Variants in SLC22A3 observed in about 807,000 individuals in gnomAD.
SLC22A3 encodes the protein EMT organic cation transporter 3.
A neutral mutation model predicts 59.1 loss-of-function variants in SLC22A3; 51 were observed. The observed-to-expected ratio is 0.86, with a 90% CI of 0.69 to 1.09. The LOEUF (loss-of-function observed/expected upper bound fraction) is 1.09, where lower values mean the gene tolerates loss of function less well. SLC22A3 is among the 50% of genes least tolerant of loss of function. The pLI, the probability that SLC22A3 is intolerant of heterozygous loss-of-function variation, is 0.00. For missense variants in SLC22A3, 711 were observed against 726.3 expected, an observed-to-expected ratio of 0.98 and a Z score of 0.24; for synonymous variants, 325 against 292.0, an observed-to-expected ratio of 1.11 and a Z score of -1.15.
intron 1 of SLC22A3, among the ~76,000 whole-genome samples, chr6:160,360,014 A>G (rs1212952117): frequency 6.6e-6 from 1 of 152,210 alleles, no homozygotes; most frequent in Non-Finnish European, 1.5e-5. Flanking sequence ...CTTTTCAAAT[A>G]TTTATAATCA....
intron 2 of SLC22A3, among the ~76,000 whole-genome samples, chr6:160,406,631 C>T (rs1195174319): frequency 6.6e-6 from 1 of 152,142 alleles, no homozygotes. Context: ...AGGAATTAGC[C>T]CAAGGTCTTA....
intron 5 of SLC22A3, among the ~76,000 whole-genome samples, 154 bp downstream of exon 5, chr6:160,411,000 A>G (rs1787227505): frequency 6.6e-6 from 1 of 152,054 alleles, no homozygotes; most frequent in African/African-American, 2.4e-5. Context: ...ACACACACAC[A>G]CACACTACCA....
intron 5 of SLC22A3, among the ~76,000 whole-genome samples, chr6:160,419,155 A>C (rs1231746378): frequency 6.6e-6 from 1 of 152,198 alleles, no homozygotes; most frequent in African/African-American, 2.4e-5. Context: ...CTCATTAGAA[A>C]GTGTCTTACT....
Position 160,368,466 on chromosome 6 carries a change from C to T in SLC22A3, c.429+19618C>T, listed in dbSNP as rs1419247156. ...CTTTGCTTGTCCACCCTTAAACCTG[C>T]TTAAGTTCACCTGTCCACGCTTAAA... On this transcript the variant is annotated intron_variant, in intron 1 of 10. Transcript: ENST00000275300. Among the ~76,000 whole-genome samples, 3 of 152,136 alleles carry T rather than the reference C, an allele frequency of 2.0e-5. No individual in the cohort carries two copies. The East Asian group carries it at 5.8e-4, about 29-fold the overall frequency.
intron 7 of SLC22A3, among the ~76,000 whole-genome samples, chr6:160,437,778 C>T (rs1330622997): frequency 1.3e-5 from 2 of 152,178 alleles, no homozygotes; most frequent in Non-Finnish European, 2.9e-5. Flanking sequence ...AGAAAAGCTT[C>T]CCAGCAGTGG....
chr6:160,374,390 G>A (rs1365687092), intron 1 of SLC22A3, among the ~76,000 whole-genome samples: 1 of 152,154 alleles, frequency 6.6e-6, no homozygotes, highest in African/African-American at 2.4e-5. Context: ...TGGAAATGCA[G>A]AAATCACCCA....
In SLC22A3 at chr6:160,395,905, T is replaced by G. The variant is rs530289586; in HGVS notation, c.430-2074T>G. ...TTATGAGACTCCTCAAAATTCATAT[T>G]CCAACCACATTAATTTTCTCTTCAT... is the stretch of plus-strand genomic sequence containing the variant. On this transcript the variant is annotated intron_variant, in intron 1 of 10. Coordinates refer to ENST00000275300, the MANE Select transcript of SLC22A3 (RefSeq NM_021977.4). 1.1e-3 allele frequency among the ~76,000 whole-genome samples: 171 copies of G among 152,340 alleles called. 2 individuals are homozygous for G. The highest frequency in any genetic ancestry group is 3.8e-3 in the African/African-American group (157 of 41,578).
chr6:160,395,504 G>A (rs1019575307), intron 1 of SLC22A3, among the ~76,000 whole-genome samples: 3 of 152,118 alleles, frequency 2.0e-5, no homozygotes, highest in East Asian at 1.9e-4. Context: ...GTTTGATTTC[G>A]CTGTTTGCTT....
chr6:160,405,904 G>C (rs375508146), intron 2 of SLC22A3, among the ~76,000 whole-genome samples: 19 of 152,256 alleles, frequency 1.2e-4, no homozygotes, highest in Middle Eastern at 3.4e-3. Context: ...AAGGATCAGT[G>C]GTTGCTAGAG....
chr6:160,444,417 C>T (rs1453760138), intron 9 of SLC22A3, among the ~76,000 whole-genome samples: 1 of 152,102 alleles, frequency 6.6e-6, no homozygotes, highest in Admixed American at 6.5e-5. Flanking sequence ...TTCTGGTGTT[C>T]TCTCTCTATG....
chr6:160,409,015 C>CTTTTTTTTTTTTTTTT (rs201294592), intron 4 of SLC22A3, 94 bp downstream of exon 4: 1 of 560,642 alleles, frequency 1.8e-6, no homozygotes, highest in Non-Finnish European at 2.8e-6. Flanking sequence ...AGAAAATTTT[C>CTTTTTTTTTTTTTTTT]TTTTTTTTTT....
At chr6:160,446,345 C>T (rs995884965) in intron 9 of SLC22A3, among the ~76,000 whole-genome samples, 16 of 152,124 alleles carry the variant, frequency 1.1e-4, no homozygotes, top group African/African-American at 3.1e-4. Context: ...CATATTAGTT[C>T]GTTTGCCACT....
intron 1 of SLC22A3, among the ~76,000 whole-genome samples, chr6:160,384,164 G>C (rs2114801332): frequency 6.6e-6 from 1 of 152,224 alleles, no homozygotes; most frequent in South Asian, 2.1e-4. Flanking sequence ...TCCTGACCCT[G>C]TGTGATCTGC....
chr6:160,385,412 G>A (rs1785964057), intron 1 of SLC22A3, among the ~76,000 whole-genome samples: 1 of 152,172 alleles, frequency 6.6e-6, no homozygotes, highest in Non-Finnish European at 1.5e-5. Context: ...GGGCTCAGGG[G>A]GAGATATCCA....
chr6:160,420,003 T>C (rs1018202753), intron 5 of SLC22A3, among the ~76,000 whole-genome samples: 5 of 152,220 alleles, frequency 3.3e-5, no homozygotes, highest in African/African-American at 1.2e-4. Flanking sequence ...AAACTGTTCA[T>C]GCTACAGTGA....
chr6:160,408,537 C>T (rs1311426455), intron 3 of SLC22A3, among the ~76,000 whole-genome samples: 1 of 152,118 alleles, frequency 6.6e-6, no homozygotes, highest in African/African-American at 2.4e-5. Context: ...ATGGCAAGTG[C>T]CTGTGATAAA....
At chr6:160,408,014 G>A (rs533582059) in intron 3 of SLC22A3, among the ~76,000 whole-genome samples, 1 of 152,174 alleles carries the variant, frequency 6.6e-6, no homozygotes, top group Admixed American at 6.6e-5. Context: ...TAGAGGGATT[G>A]GTTGTCACTG....
intron 5 of SLC22A3, among the ~76,000 whole-genome samples, chr6:160,424,036 A>G (rs1402692371): frequency 6.6e-6 from 1 of 152,180 alleles, no homozygotes; most frequent in East Asian, 1.9e-4. Flanking sequence ...AGCTTTCTAC[A>G]TATGTCACCT....
At chr6:160,383,184 G>C (rs1785860691) in intron 1 of SLC22A3, among the ~76,000 whole-genome samples, 1 of 152,160 alleles carries the variant, frequency 6.6e-6, no homozygotes, top group Admixed American at 6.5e-5. Flanking sequence ...CTTTCCTTAG[G>C]CATTATAGAA....
Sources: gnomAD v4.1 joint callset for allele counts (sites outside exome capture counted in the v4.1 genomes callset) on GRCh38, gnomAD v4.1.1 for gene constraint, MANE v1.5 for transcripts, NCBI Gene and HGNC (gene_info 2026-07-23, HGNC 2026-07-21) for gene names.